GPR183: variants seen among roughly 807,000 people sequenced by gnomAD.
GPR183 encodes G protein-coupled receptor 183.
Under a neutral mutation model 19.7 loss-of-function variants are expected in GPR183, and 9 were observed. The observed-to-expected ratio is 0.46, with a 90% CI of 0.28 to 0.80. The LOEUF (loss-of-function observed/expected upper bound fraction) is 0.80. Among genes scored for constraint, GPR183 ranks in the 30% least tolerant of loss-of-function variants. The probability of loss-of-function intolerance (pLI) is 0.13; values close to 1 mark genes in which losing one functional copy is unlikely to be tolerated. For synonymous variants in GPR183, 160 were observed against 155.1 expected, an observed-to-expected ratio of 1.03 and a Z score of -0.24; for missense variants, 368 against 446.7, an observed-to-expected ratio of 0.82 and a Z score of 1.59.
chr13:99,300,697 T>C (rs577574515), intron 1 of GPR183, among the ~76,000 whole-genome samples: 10 of 152,318 alleles, frequency 6.6e-5, no homozygotes, highest in African/African-American at 2.2e-4. Flanking sequence ...CCTTTTTGTA[T>C]TAGAGGGTCT....
chr13:99,306,179 A>T (rs1193114015), intron 1 of GPR183, among the ~76,000 whole-genome samples: 1 of 152,188 alleles, frequency 6.6e-6, no homozygotes, highest in African/African-American at 2.4e-5. Flanking sequence ...TACAGGAGTG[A>T]GCCACCACAC....
chr13:99,296,028 G>A lies in GPR183; in HGVS notation c.118C>T (p.Leu40Phe). ...ARIVMPLHYS[L>F]VFIIGLVGNL... ...CCCACGAGCCCAATGATGAAGACGAGGCTGTAATGCAGAGGCATTACTATC... is the reference window on the plus strand; with the variant it reads ...CCCACGAGCCCAATGATGAAGACGAAGCTGTAATGCAGAGGCATTACTATC... Residue 40 changes from leucine to phenylalanine, a missense_variant, in exon 2 of 2, where the codon CTC becomes TTC. Physicochemically the swap from Leu to Phe is conservative, Grantham distance 22 (BLOSUM62 0). Transcript: ENST00000376414. 1.2e-6 allele frequency: 2 copies of A among 1,614,112 alleles called. No individual in the cohort carries two copies. Among genetic ancestry groups the A allele is most frequent in the Non-Finnish European group, 1.7e-6 (2 of 1,180,006 alleles).
intron 1 of GPR183, among the ~76,000 whole-genome samples, chr13:99,304,265 A>G (rs530573234): frequency 6.6e-6 from 1 of 152,226 alleles, no homozygotes; most frequent in East Asian, 1.9e-4. Context: ...CCTCTGTTTG[A>G]TGTCCTCTGG....
At chr13:99,302,415 G>T (rs1224034968) in intron 1 of GPR183, among the ~76,000 whole-genome samples, 2 of 152,184 alleles carry the variant, frequency 1.3e-5, no homozygotes, top group Non-Finnish European at 2.9e-5. Context: ...GCAAGCTGGG[G>T]CTGTTTCAGC....
rs2044159655 is a variant in GPR183, at chr13:99,295,656, G to A, written c.490C>T (p.Leu164Phe). Residue 164 changes from leucine (L) to phenylalanine (F), a missense_variant, in exon 2 of 2, where the codon CTC (leucine) becomes TTC (phenylalanine). Transcript: ENST00000376414. The surrounding 1 kb of genome is among the most constrained non-coding windows in gnomAD (Gnocchi z 4.1). ...GACATAGGGTTGATGAGGAGTGGGA[G>A]TGTCTGAGCAAATACTAGAATCCAG... ...FVWILVFAQTLPLLINPMSKQ... is the reference protein window; with the variant it reads ...FVWILVFAQTFPLLINPMSKQ... The A allele has an allele frequency of 1.2e-6, 2 of 1,614,048 alleles. No homozygotes were observed. Among genetic ancestry groups the A allele is most frequent in the Non-Finnish European group, 1.7e-6 (2 of 1,180,042 alleles).
chr13:99,300,309 T>G (rs958555119), intron 1 of GPR183, among the ~76,000 whole-genome samples: 2 of 152,240 alleles, frequency 1.3e-5, no homozygotes, highest in African/African-American at 2.4e-5. Context: ...GGAAATGATC[T>G]TAGGTAAAGG....
chr13:99,301,769 C>T (rs75721036), intron 1 of GPR183, among the ~76,000 whole-genome samples: 275 of 152,294 alleles, frequency 1.8e-3, no homozygotes, highest in African/African-American at 6.5e-3. Flanking sequence ...CTAATTTACT[C>T]GTTCAAGTAA....
chr13:99,299,809 C>T (rs1006397811), intron 1 of GPR183, among the ~76,000 whole-genome samples: 2 of 152,118 alleles, frequency 1.3e-5, no homozygotes, highest in Non-Finnish European at 2.9e-5. Context: ...ATTGCTACCC[C>T]TTATCTACTT....
chr13:99,307,006 A>G (rs2044346479), intron 1 of GPR183, among the ~76,000 whole-genome samples: 1 of 152,114 alleles, frequency 6.6e-6, no homozygotes, highest in South Asian at 2.1e-4. Context: ...CCTTCATACT[A>G]AGTTATCCTG....
intron 1 of GPR183, among the ~76,000 whole-genome samples, chr13:99,305,563 T>C (rs756002307): frequency 1.4e-4 from 21 of 152,148 alleles, no homozygotes; most frequent in Non-Finnish European, 2.9e-4. Flanking sequence ...ACAATAGATA[T>C]CTAGTAAATA....
chr13:99,296,190 T>C (rs1364151409), intron 1 of GPR183, 27 bp from the exon 2 acceptor site: 1 of 1,518,880 alleles, frequency 6.6e-7, no homozygotes, highest in Admixed American at 2.2e-5. Context: ...AAGGATCATA[T>C]AAGTAAAAGC....
At chr13:99,303,448 C>T (rs866964903) in intron 1 of GPR183, among the ~76,000 whole-genome samples, 1 of 152,146 alleles carries the variant, frequency 6.6e-6, no homozygotes, top group South Asian at 2.1e-4. Context: ...GTAAAAGCCA[C>T]CTATGTGGCT....
chr13:99,298,967 A>G (rs2044217369), intron 1 of GPR183, among the ~76,000 whole-genome samples: 1 of 152,196 alleles, frequency 6.6e-6, no homozygotes, highest in Non-Finnish European at 1.5e-5. Flanking sequence ...CTAAATGTAT[A>G]TTTTTGAGTA....
Position 99,295,573 on chromosome 13 carries a change from T to A in GPR183, c.573A>T (p.Lys191Asn). 6.2e-7 allele frequency: 1 copy of A among 1,613,824 alleles called. No individual in the cohort carries two copies. Among genetic ancestry groups the A allele is most frequent in the Non-Finnish European group, 8.5e-7 (1 of 1,179,976 alleles). The change falls in exon 2 of 2, where the codon AAA becomes AAT. Residue 191 changes from lysine (K) to asparagine (N), a missense_variant. Physicochemically the swap from Lys to Asn is moderately conservative, Grantham distance 94. Coordinates refer to ENST00000376414, the MANE Select transcript of GPR183 (RefSeq NM_004951.5). The surrounding 1 kb of genome is among the most constrained non-coding windows in gnomAD (Gnocchi z 4.1). Reference protein sequence around the residue: ...CMEYPNFEETKSLPWILLGAC... With the variant: ...CMEYPNFEETNSLPWILLGAC... ...CCCCAAGCAGAATCCAGGGAAGAGA[T>A]TTAGTTTCTTCAAAGTTTGGATACT...
intron 1 of GPR183, among the ~76,000 whole-genome samples, chr13:99,300,633 GAA>G (rs1447737534): frequency 9.2e-5 from 14 of 152,208 alleles, no homozygotes; most frequent in Non-Finnish European, 1.5e-5. Flanking sequence ...CATTCAGCAG[GAA>G]AATGGTTTTT....
At chr13:99,301,988 A>G (rs1001536803) in intron 1 of GPR183, among the ~76,000 whole-genome samples, 3 of 152,204 alleles carry the variant, frequency 2.0e-5, no homozygotes, top group South Asian at 2.1e-4. Context: ...GCCACTAGCA[A>G]TGACTGGAAT....
Position 99,299,688 on chromosome 13 carries a change from A to G in GPR183, c.-18-3525T>C, listed in dbSNP as rs550257261. ...ACCTTGTTATCTGACATGCTTTTCA[A>G]AGCTTGCTGTTCAGTGTTCCTTTTT... On this transcript the variant is annotated intron_variant, in intron 1 of 1. Transcript: ENST00000376414. Among the ~76,000 whole-genome samples the G allele has an allele frequency of 1.2e-3, 179 of 152,268 alleles. 3 individuals are homozygous for G. The highest frequency in any genetic ancestry group is 9.9e-3 in the South Asian group (48 of 4,826).
intron 1 of GPR183, among the ~76,000 whole-genome samples, chr13:99,302,646 G>C (rs1332739332): frequency 6.6e-6 from 1 of 152,172 alleles, no homozygotes; most frequent in Non-Finnish European, 1.5e-5. Context: ...TCATCTGAGG[G>C]ATTATGGGTG....
chr13:99,297,394 A>G (rs2044192854), intron 1 of GPR183, among the ~76,000 whole-genome samples: 3 of 152,168 alleles, frequency 2.0e-5, no homozygotes, highest in Admixed American at 6.5e-5. Context: ...AAAGAACTAT[A>G]CAGTATTTCC....
Sources: gnomAD v4.1 joint callset for allele counts (sites outside exome capture counted in the v4.1 genomes callset) on GRCh38, gnomAD v4.1.1 for gene constraint, Gnocchi (gnomAD v3.1) non-coding constraint, MANE v1.5 for transcripts, NCBI Gene and HGNC (gene_info 2026-07-23, HGNC 2026-07-21) for gene names.